FAT1: variants seen among roughly 807,000 people sequenced by gnomAD.
FAT1 encodes protocadherin Fat 1.
A neutral mutation model predicts 329.8 loss-of-function variants in FAT1; 171 were observed. That is an observed-to-expected ratio of 0.52 (90% CI 0.46 to 0.59). The LOEUF (loss-of-function observed/expected upper bound fraction) is 0.59. FAT1 is among the 20% of genes least tolerant of loss of function. The pLI, the probability that FAT1 is intolerant of heterozygous loss-of-function variation, is 0.00. For synonymous variants in FAT1, 2,233 were observed against 2,228.6 expected (o/e 1.00, Z -0.06); for missense variants, 5,672 against 5,774.4 (o/e 0.98, Z 0.57).
chr4:186,608,846 CT>C (rs1156248409), intron 16 of FAT1, among the ~76,000 whole-genome samples: 2 of 152,328 alleles, frequency 1.3e-5, no homozygotes, highest in South Asian at 4.1e-4. Context: ...CAATTCCTCG[CT>C]GGAAATTCCC....
intron 3 of FAT1, among the ~76,000 whole-genome samples, chr4:186,658,343 T>C (rs2126607619): frequency 6.6e-6 from 1 of 152,244 alleles, no homozygotes; most frequent in South Asian, 2.1e-4. Flanking sequence ...TCAAAAAAGT[T>C]CACTCAAACT....
In FAT1 at chr4:186,614,189, A is replaced by G; in HGVS notation, c.9229+2T>C. 1 of 1,594,466 alleles carries G rather than the reference A, an allele frequency of 6.3e-7. No homozygotes were observed. Among genetic ancestry groups the G allele is most frequent in the Non-Finnish European group, 8.5e-7 (1 of 1,173,866 alleles). On this transcript the variant is annotated splice_donor_variant, in intron 12 of 26. Transcript: ENST00000441802. LOFTEE classifies it high-confidence loss of function. ...TTATTTTGTCCCAAACTCCATCATT[A>G]CCTGTGTCTGGATTTAGTTTGAATT...
chr4:186,624,521 T>C (rs1375860375), intron 9 of FAT1, among the ~76,000 whole-genome samples: 1 of 152,220 alleles, frequency 6.6e-6, no homozygotes, highest in African/African-American at 2.4e-5. Context: ...AGTGCTCTAA[T>C]AATCTACTTT....
intron 4 of FAT1, among the ~76,000 whole-genome samples, chr4:186,638,030 A>G (rs1740914738): frequency 6.6e-6 from 1 of 152,252 alleles, no homozygotes; most frequent in Non-Finnish European, 1.5e-5. Context: ...TATGTTTTTT[A>G]GTATTCATCA....
chr4:186,599,491 T>C (rs1406643115), intron 22 of FAT1, among the ~76,000 whole-genome samples: 1 of 152,120 alleles, frequency 6.6e-6, no homozygotes, highest in Non-Finnish European at 1.5e-5. Context: ...TCCCAACTAT[T>C]ATTGCCAGCA....
intron 2 of FAT1, among the ~76,000 whole-genome samples, chr4:186,671,694 G>A (rs139727366): frequency 0.025 from 3,732 of 150,608 alleles, 178 homozygotes; most frequent in African/African-American, 0.087. Flanking sequence ...GCGAAACTCC[G>A]TCTCAAAAAA....
chr4:186,691,058 T>C (rs1743736199), intron 2 of FAT1, among the ~76,000 whole-genome samples: 1 of 152,326 alleles, frequency 6.6e-6, no homozygotes, highest in East Asian at 1.9e-4. Context: ...TACTAATTCA[T>C]TTGATTTAAA....
In FAT1 at chr4:186,618,920, G is replaced by A. The variant is rs921535768; in HGVS notation, c.7666C>T (p.Arg2556Ter). 7 of 1,613,888 alleles carry A rather than the reference G, an allele frequency of 4.3e-6. No homozygotes were observed. Among genetic ancestry groups the A allele is most frequent in the Admixed American group, 3.3e-5 (2 of 60,006 alleles). ...ATCACTTTCTCCGCCGGGGTTTCTC[G>A]ATCAAGTTTTTCCAAAGTAAATATC... ...GQIFTLEKLD[R>*]ETPAEKVISV... is the part of the protein sequence containing the mutation. The change falls in exon 10 of 27, where the codon CGA becomes TGA. Residue 2556 changes from arginine (R) to a stop codon, truncating the protein, a stop_gained. Coordinates refer to ENST00000441802, the MANE Select transcript of FAT1 (RefSeq NM_005245.4). LOFTEE classifies it high-confidence loss of function.
intron 11 of FAT1, among the ~76,000 whole-genome samples, chr4:186,616,258 G>A (rs1366947186): frequency 6.6e-6 from 1 of 151,988 alleles, no homozygotes; most frequent in Non-Finnish European, 1.5e-5. Flanking sequence ...CTCTAGGATC[G>A]AGTTCAAATC....
intron 2 of FAT1, 76 bp downstream of exon 2, chr4:186,706,487 T>C (rs962421677): frequency 1.8e-5 from 26 of 1,450,356 alleles, no homozygotes; most frequent in Non-Finnish European, 2.3e-5. Context: ...TTGAAGAAGC[T>C]GCCACAGGGC....
chr4:186,702,810 G>A (rs1359266818), intron 2 of FAT1, among the ~76,000 whole-genome samples: 2 of 152,198 alleles, frequency 1.3e-5, no homozygotes, highest in Non-Finnish European at 2.9e-5. Flanking sequence ...AAGCAACAGA[G>A]AATGGATCTG....
chr4:186,626,638 C>T (rs112974588), intron 9 of FAT1, among the ~76,000 whole-genome samples: 7 of 112,790 alleles, frequency 6.2e-5, no homozygotes, highest in East Asian at 6.2e-4. Flanking sequence ...GTGAGCTTCA[C>T]CAGCCCACAG....
intron 26 of FAT1, among the ~76,000 whole-genome samples, chr4:186,591,523 T>G (rs1289947198): frequency 6.6e-6 from 1 of 152,242 alleles, no homozygotes; most frequent in African/African-American, 2.4e-5. Flanking sequence ...CTTTCAACTT[T>G]AAATTCCATG....
chr4:186,616,935 T>A, intron 11 of FAT1, 70 bp downstream of exon 11: 1 of 1,381,448 alleles, frequency 7.2e-7, no homozygotes, highest in Non-Finnish European at 1.0e-6. Flanking sequence ...CAGCGCCAAA[T>A]GATGGTCCCA....
chr4:186,605,778 G>A lies in FAT1; in HGVS notation c.10350+292C>T, dbSNP rs1739103498. On this transcript the variant is annotated intron_variant, in intron 17 of 26. Coordinates refer to ENST00000441802, the MANE Select transcript of FAT1 (RefSeq NM_005245.4). ...AGAGGGAAGAGGAAGGTCAAGGGGG[G>A]AGGAGAGGGCAGAGGAAAAGCACCA... Among the ~76,000 whole-genome samples, 4 of 150,420 alleles carry A rather than the reference G, an allele frequency of 2.7e-5. No homozygotes were observed. In the Admixed American group the frequency reaches 2.7e-4, roughly 10 times the overall value.
intron 2 of FAT1, among the ~76,000 whole-genome samples, chr4:186,685,409 T>C (rs1009022389): frequency 6.6e-6 from 1 of 152,206 alleles, no homozygotes; most frequent in East Asian, 1.9e-4. Context: ...AGGTTAAAAA[T>C]TCCTATCTCA....
At chr4:186,684,395 C>T (rs932586757) in intron 2 of FAT1, among the ~76,000 whole-genome samples, 3 of 152,262 alleles carry the variant, frequency 2.0e-5, no homozygotes, top group East Asian at 3.9e-4. Flanking sequence ...ACAGTATCTG[C>T]GAGGGGCTGA....
Position 186,603,931 on chromosome 4 carries a change from T to C in FAT1, c.10595A>G (p.Asp3532Gly). The change falls in exon 19 of 27, where the codon GAC becomes GGC. Residue 3532 changes from aspartate to glycine, a missense_variant. By Grantham distance (94) the Asp-to-Gly change is moderately conservative. Around this residue, in one of 2 missense-constraint regions of FAT1, gnomAD observed 1,706 missense variants for 1,859.1 expected, o/e 0.92. Transcript: ENST00000441802. ...GATGCTCTCCTCAATTACCCTAATGTCAATGTATGTCAAAGATGACAACTG... is the reference window on the plus strand; with the variant it reads ...GATGCTCTCCTCAATTACCCTAATGCCAATGTATGTCAAAGATGACAACTG... ...KPQLSSLTYI[D>G]IRVIEESIYP... 6.2e-7 allele frequency: 1 copy of C among 1,613,866 alleles called. No homozygotes were observed. The highest frequency in any genetic ancestry group is 1.1e-5 in the South Asian group (1 of 91,082).
intron 2 of FAT1, among the ~76,000 whole-genome samples, chr4:186,703,864 C>T (rs1355031516): frequency 6.6e-6 from 1 of 152,228 alleles, no homozygotes; most frequent in Non-Finnish European, 1.5e-5. Flanking sequence ...AGTTAAGACA[C>T]ACTCCAAGTG....
Sources: gnomAD v4.1 joint callset for allele counts (sites outside exome capture counted in the v4.1 genomes callset) on GRCh38, gnomAD v4.1.1 for gene constraint, gnomAD v4.1.1 regional missense constraint, MANE v1.5 for transcripts, NCBI Gene and HGNC (gene_info 2026-07-23, HGNC 2026-07-21) for gene names.